The following LAMA2 variants were observed in gnomAD, a reference collection of about 807,000 sequenced individuals.
The protein encoded by LAMA2 is laminin subunit alpha 2, also known as laminin subunit alpha-2.
A neutral mutation model predicts 364.8 loss-of-function variants in LAMA2; 269 were observed. That is an observed-to-expected ratio of 0.74 (90% CI 0.67 to 0.82). The LOEUF (loss-of-function observed/expected upper bound fraction) is 0.82. Ranked by LOEUF, LAMA2 falls within the 40% of genes least tolerant of loss-of-function variation. The probability of loss-of-function intolerance (pLI) is 0.00; values close to 1 mark genes in which losing one functional copy is unlikely to be tolerated. For missense variants in LAMA2, 3,807 were observed against 3,873.2 expected (o/e 0.98, Z 0.45); for synonymous variants, 1,379 against 1,370.6 (o/e 1.01, Z -0.14).
intron 49 of LAMA2, among the ~76,000 whole-genome samples, chr6:129,462,698 T>C (rs530445904): frequency 6.6e-6 from 1 of 152,106 alleles, no homozygotes; most frequent in African/African-American, 2.4e-5. Context: ...TATTTTCCCA[T>C]AAGCCCTGTT....
intron 24 of LAMA2, 45 bp downstream of exon 24, chr6:129,314,843 C>G (rs1219584992): frequency 3.7e-6 from 6 of 1,606,898 alleles, no homozygotes; most frequent in Middle Eastern, 1.7e-4. Flanking sequence ...AATGTTAGTT[C>G]CTGCTGGTGT....
chr6:129,052,890 C>A (rs1301746842), intron 2 of LAMA2, among the ~76,000 whole-genome samples: 1 of 151,904 alleles, frequency 6.6e-6, no homozygotes, highest in South Asian at 2.1e-4. Context: ...CATGCATAGT[C>A]CCCTCATTAT....
chr6:129,114,772 C>T (rs1003121037), intron 4 of LAMA2, among the ~76,000 whole-genome samples: 2 of 151,942 alleles, frequency 1.3e-5, no homozygotes, highest in South Asian at 2.1e-4. Flanking sequence ...CCCACTCCTC[C>T]GTTTACATCA....
intron 1 of LAMA2, among the ~76,000 whole-genome samples, chr6:128,983,120 A>G (rs1386957501): frequency 6.6e-6 from 1 of 152,090 alleles, no homozygotes; most frequent in Non-Finnish European, 1.5e-5. Context: ...TCCTTTGGGT[A>G]CATACCCAGT....
rs766410489 is a variant in LAMA2, at chr6:129,434,963, GA to G, written c.5969-3681del. ...CAGCTGAAACATTAAAAAAAAATCA[GA>G]ACAGGGTTGGAATATACACATTGTA... is the stretch of plus-strand genomic sequence containing the variant. On this transcript the variant is annotated intron_variant, in intron 41 of 64. Transcript: ENST00000421865. Among the ~76,000 whole-genome samples, 484 of 151,714 alleles carry G rather than the reference GA, an allele frequency of 3.2e-3. 9 individuals are homozygous for G. The highest frequency in any genetic ancestry group is 0.012 in the African/African-American group (479 of 41,366).
At chr6:129,129,810 GC>G (rs1376433225) in intron 4 of LAMA2, among the ~76,000 whole-genome samples, 1 of 149,736 alleles carries the variant, frequency 6.7e-6, no homozygotes, top group Non-Finnish European at 1.5e-5. Flanking sequence ...TGTAGTCCCA[GC>G]TACTTGGGAG....
intron 30 of LAMA2, among the ~76,000 whole-genome samples, chr6:129,344,650 T>G (rs552599189): frequency 3.6e-4 from 55 of 151,532 alleles, no homozygotes; most frequent in African/African-American, 1.2e-3. Flanking sequence ...CCAAGGCGAG[T>G]ATATAGAAAG....
At chr6:129,481,210 T>A in intron 54 of LAMA2, 53 bp from the exon 55 acceptor site, 1 of 1,423,806 alleles carries the variant, frequency 7.0e-7, no homozygotes, top group African/African-American at 1.4e-5. Flanking sequence ...ATGGAGAACT[T>A]ATTTAAATTT....
chr6:128,899,336 T>G (rs1478335730), intron 1 of LAMA2, among the ~76,000 whole-genome samples: 1 of 152,216 alleles, frequency 6.6e-6, no homozygotes, highest in Admixed American at 6.5e-5. Context: ...CCAATCATAT[T>G]TCAGATAAAC....
intron 29 of LAMA2, among the ~76,000 whole-genome samples, chr6:129,339,928 G>C (rs140854334): frequency 0.023 from 3,481 of 151,974 alleles, 64 homozygotes; most frequent in South Asian, 0.037. Flanking sequence ...GCTTGAACCT[G>C]GGAGGCAGAG....
intron 18 of LAMA2, among the ~76,000 whole-genome samples, chr6:129,284,183 A>G (rs1174815168): frequency 6.6e-6 from 1 of 152,142 alleles, no homozygotes; most frequent in Admixed American, 6.5e-5. Flanking sequence ...AAGTAAGAAC[A>G]CAGCATTACA....
chr6:129,369,833 G>A lies in LAMA2; in HGVS notation c.4861-59G>A, dbSNP rs73589104. On this transcript the variant is annotated intron_variant, in intron 33 of 64. Coordinates refer to ENST00000421865, the MANE Select transcript of LAMA2 (RefSeq NM_000426.4). ...TTTATATACAAAAATGTGTTCTGTC[G>A]AACACTATCACTGCAAGGCCATTTA... The A allele has an allele frequency of 4.2e-3, 5,876 of 1,390,334 alleles. 188 individuals are homozygous for A. In the African/African-American group the frequency reaches 0.071, roughly 17 times the overall value. The allele number at this position is 1,390,334 out of a possible 1,614,324, so 86.1% of individuals were successfully genotyped here.
chr6:129,362,644 T>C (rs1371066190), intron 32 of LAMA2, among the ~76,000 whole-genome samples: 1 of 152,194 alleles, frequency 6.6e-6, no homozygotes, highest in East Asian at 1.9e-4. Flanking sequence ...TAAGGTCCCT[T>C]CTTTAACGAG....
At chr6:129,292,680 G>A (rs1463610446) in intron 20 of LAMA2, 20 of 369,672 alleles carry the variant, frequency 5.4e-5, no homozygotes, top group Non-Finnish European at 6.7e-5. Flanking sequence ...GCAGAAGCAA[G>A]CATTTCTCCG....
chr6:129,271,064 A>G (rs1787898406), intron 17 of LAMA2, among the ~76,000 whole-genome samples: 1 of 152,170 alleles, frequency 6.6e-6, no homozygotes, highest in Non-Finnish European at 1.5e-5. Context: ...ATGCATGTAC[A>G]CACCTACACA....
intron 27 of LAMA2, among the ~76,000 whole-genome samples, chr6:129,317,608 AT>A (rs148403110): frequency 0.12 from 18,201 of 151,880 alleles, 1,268 homozygotes; most frequent in African/African-American, 0.17. Flanking sequence ...AATAAAAAAA[AT>A]ATACTTAAAA....
At chr6:129,513,019 T>C (rs946538661) in intron 63 of LAMA2, among the ~76,000 whole-genome samples, 1 of 152,214 alleles carries the variant, frequency 6.6e-6, no homozygotes, top group Non-Finnish European at 1.5e-5. Flanking sequence ...AGTTTGATAA[T>C]AATTGATAAT....
chr6:129,220,017 C>G (rs78100204), intron 12 of LAMA2, among the ~76,000 whole-genome samples: 8,533 of 151,896 alleles, frequency 0.056, 338 homozygotes, highest in Non-Finnish European at 0.08. Flanking sequence ...AAAAAAAGTT[C>G]ATCGTATGGA....
intron 40 of LAMA2, among the ~76,000 whole-genome samples, chr6:129,407,852 T>C (rs554494999): frequency 3.7e-4 from 56 of 152,322 alleles, no homozygotes; most frequent in African/African-American, 1.3e-3. Flanking sequence ...TGGGATCTCC[T>C]GTATTCCATG....
Sources: gnomAD v4.1 joint callset for allele counts (sites outside exome capture counted in the v4.1 genomes callset) on GRCh38, gnomAD v4.1.1 for gene constraint, MANE v1.5 for transcripts, NCBI Gene and HGNC (gene_info 2026-07-23, HGNC 2026-07-21) for gene names.